The following PRSS23 variants were observed in gnomAD, a reference collection of about 807,000 sequenced individuals.
The protein encoded by PRSS23 is protease, serine 23.
In PRSS23, 25 loss-of-function variants were observed where a neutral mutation model predicts 34.7. That is an observed-to-expected ratio of 0.72 (90% CI 0.53 to 1.01). The LOEUF is 1.01. PRSS23 is among the 50% of genes least tolerant of loss of function. The pLI, the probability that PRSS23 is intolerant of heterozygous loss-of-function variation, is 0.00. For missense variants in PRSS23, 445 were observed against 475.6 expected (o/e 0.94, Z 0.60); for synonymous variants, 176 against 186.6 (o/e 0.94, Z 0.46).
rs149631534 is a variant in PRSS23, at chr11:86,889,189, G to A, written c.207-62027G>A. 2.2e-4 allele frequency among the ~76,000 whole-genome samples: 33 copies of A among 152,292 alleles called. No individual in the cohort carries two copies. The East Asian group carries it at 6.4e-3, about 29-fold the overall frequency. ...GGTATGTAGAGCAGGCACTGCCAGAGCCTCATGGCCTTTTTGTACGGGAGT... is the reference window on the plus strand; with the variant it reads ...GGTATGTAGAGCAGGCACTGCCAGAACCTCATGGCCTTTTTGTACGGGAGT... On this transcript the variant is annotated intron_variant, in intron 2 of 2. Coordinates refer to the PRSS23 transcript ENST00000533902.
downstream of PRSS23, among the ~76,000 whole-genome samples, chr11:86,812,247 G>T (rs1158332662): frequency 6.6e-6 from 1 of 152,148 alleles, no homozygotes; most frequent in Non-Finnish European, 1.5e-5. Flanking sequence ...GAACAAAGGT[G>T]GGGCTGCAGC....
chr11:86,950,925 C>T, intron 2 of PRSS23: 1 of 614,036 alleles, frequency 1.6e-6, no homozygotes, highest in Non-Finnish European at 2.9e-6. Flanking sequence ...AAGCCTCTAA[C>T]TGGCTTTTCC....
intron 1 of PRSS23, among the ~76,000 whole-genome samples, chr11:86,817,967 G>A (rs774877733): frequency 9.9e-5 from 15 of 152,168 alleles, no homozygotes; most frequent in Non-Finnish European, 5.9e-5. Context: ...TAATAGCAAG[G>A]TGCCATAAGA....
Position 86,895,700 on chromosome 11 carries a change from G to A in PRSS23, c.207-55516G>A, listed in dbSNP as rs911863216. Among the ~76,000 whole-genome samples, 11 of 151,974 alleles carry A rather than the reference G, an allele frequency of 7.2e-5. No individual in the cohort carries two copies. The East Asian group carries it at 7.7e-4, about 11-fold the overall frequency. ...TCACCATGTTGCCCAGGCTGCTCTCGAACTCCTGGGCTCAAGTGATCGGCC... is the reference window on the plus strand; with the variant it reads ...TCACCATGTTGCCCAGGCTGCTCTCAAACTCCTGGGCTCAAGTGATCGGCC... On this transcript the variant is annotated intron_variant, in intron 2 of 2. Transcript: ENST00000533902.
chr11:86,930,623 C>G (rs907701437), intron 2 of PRSS23, among the ~76,000 whole-genome samples: 1 of 152,082 alleles, frequency 6.6e-6, no homozygotes, highest in African/African-American at 2.4e-5. Flanking sequence ...AACCCCGTCT[C>G]TACTAAAAAT....
In PRSS23 at chr11:86,939,788, TG is replaced by T. The variant is rs1198243240; in HGVS notation, c.207-11421del. Among the ~76,000 whole-genome samples, 83 of 71,166 alleles carry T rather than the reference TG, an allele frequency of 1.2e-3. No individual in the cohort carries two copies. The South Asian group carries it at 0.022, about 18-fold the overall frequency. The allele number at this position is 71,166 out of a possible 152,430, so 46.7% of individuals were successfully genotyped here. A position where few individuals can be genotyped will look rare whatever the true frequency, so the allele number is the denominator to read the frequency against. On this transcript the variant is annotated intron_variant, in intron 2 of 2. Coordinates refer to the PRSS23 transcript ENST00000533902. ...CTTTTTTTTTTTTTAAAGGGGTGGGTGGGGGGGACACACAAAAATGCTAGGA... is the reference window on the plus strand; with the variant it reads ...CTTTTTTTTTTTTTAAAGGGGTGGGTGGGGGGACACACAAAAATGCTAGGA...
intron 2 of PRSS23, among the ~76,000 whole-genome samples, chr11:86,920,425 G>A (rs986570588): frequency 2.7e-4 from 41 of 152,226 alleles, no homozygotes; most frequent in Admixed American, 5.2e-4. Flanking sequence ...GTCTAATGAA[G>A]AAGAGAGAAG....
rs190634415 is a variant in PRSS23, at chr11:86,833,723, G to A, written c.206+10130G>A. On this transcript the variant is annotated intron_variant, in intron 2 of 2. Transcript: ENST00000533902. ...GGGCGTGAGCTAAGTTGCAAGCCCCGTGTTTAAAGGTGGATGCAGTCACCT... is the reference window on the plus strand; with the variant it reads ...GGGCGTGAGCTAAGTTGCAAGCCCCATGTTTAAAGGTGGATGCAGTCACCT... Among the ~76,000 whole-genome samples, 8 of 152,228 alleles carry A rather than the reference G, an allele frequency of 5.3e-5. No individual in the cohort carries two copies. The East Asian group carries it at 5.8e-4, about 11-fold the overall frequency.
At chr11:86,884,678 A>C (rs985750037) in intron 2 of PRSS23, among the ~76,000 whole-genome samples, 1 of 152,240 alleles carries the variant, frequency 6.6e-6, no homozygotes, top group Middle Eastern at 3.2e-3. Flanking sequence ...ATTGCTTTGC[A>C]TAACACATAA....
At chr11:86,839,558 C>T (rs1003387652) in intron 2 of PRSS23, among the ~76,000 whole-genome samples, 97 of 152,160 alleles carry the variant, frequency 6.4e-4, no homozygotes, top group Non-Finnish European at 2.2e-4. Context: ...ACTTCCCTAA[C>T]GTAGCAAGGC....
intron 2 of PRSS23, among the ~76,000 whole-genome samples, chr11:86,839,909 T>C (rs374116761): frequency 1.3e-5 from 2 of 150,950 alleles, no homozygotes; most frequent in African/African-American, 4.9e-5. Context: ...GCTAAGAGAT[T>C]TTGTCATCAC....
intron 2 of PRSS23, among the ~76,000 whole-genome samples, chr11:86,841,452 G>A (rs941426837): frequency 6.6e-6 from 1 of 151,096 alleles, no homozygotes; most frequent in Non-Finnish European, 1.5e-5. Context: ...AGAACTGAAG[G>A]AGATAAGAGA....
At chr11:86,951,568 A>G in exon 3 of PRSS23, 1 of 1,614,116 alleles carries the variant, frequency 6.2e-7, no homozygotes, top group Non-Finnish European at 8.5e-7. Flanking sequence ...CCAAATAAGT[A>G]AAGAGGGGAG....
intron 2 of PRSS23, among the ~76,000 whole-genome samples, chr11:86,927,422 A>G (rs866704526): frequency 3.9e-5 from 6 of 152,346 alleles, no homozygotes; most frequent in African/African-American, 1.4e-4. Context: ...GTTGGCATTG[A>G]GTAGAATAAC....
At chr11:86,929,327 A>AC (rs1279810749) in intron 2 of PRSS23, among the ~76,000 whole-genome samples, 1 of 150,590 alleles carries the variant, frequency 6.6e-6, no homozygotes, top group African/African-American at 2.4e-5. Context: ...CGTCTCAAAA[A>AC]AAAAAAACAA....
intron 2 of PRSS23, among the ~76,000 whole-genome samples, chr11:86,827,443 A>G (rs1429230215): frequency 6.6e-6 from 1 of 152,160 alleles, no homozygotes; most frequent in Non-Finnish European, 1.5e-5. Context: ...TCAAAAAACC[A>G]GCTGCTGGAT....
intron 2 of PRSS23, among the ~76,000 whole-genome samples, chr11:86,858,454 G>T (rs1219427724): frequency 6.6e-6 from 1 of 151,942 alleles, no homozygotes; most frequent in Non-Finnish European, 1.5e-5. Context: ...GATATCTACT[G>T]GGGGAGATGA....
At chr11:86,897,884 T>C (rs894219953) in intron 2 of PRSS23, among the ~76,000 whole-genome samples, 4 of 152,220 alleles carry the variant, frequency 2.6e-5, no homozygotes, top group Non-Finnish European at 5.9e-5. Flanking sequence ...CCAGTATTTA[T>C]TGAGAGCCTC....
intron 2 of PRSS23, among the ~76,000 whole-genome samples, chr11:86,843,575 G>GA (rs1234096600): frequency 1.3e-5 from 2 of 151,550 alleles, no homozygotes; most frequent in African/African-American, 4.8e-5. Context: ...AAATTTACAA[G>GA]AAAAAAAGCC....
Sources: gnomAD v4.1 joint callset for allele counts (sites outside exome capture counted in the v4.1 genomes callset) on GRCh38, gnomAD v4.1.1 for gene constraint, MANE v1.5 for transcripts, NCBI Gene and HGNC (gene_info 2026-07-23, HGNC 2026-07-21) for gene names.